JAKMIP2: variants seen among roughly 807,000 people sequenced by gnomAD.
JAKMIP2 encodes janus kinase and microtubule-interacting protein 2.
Under a neutral mutation model 115.0 loss-of-function variants are expected in JAKMIP2, and 25 were observed. The observed-to-expected ratio is 0.22, with a 90% CI of 0.16 to 0.30. The LOEUF (loss-of-function observed/expected upper bound fraction) is 0.30. Ranked by LOEUF, JAKMIP2 falls within the 10% of genes least tolerant of loss-of-function variation. The pLI is 1.00. For missense variants in JAKMIP2, 642 were observed against 957.6 expected, an observed-to-expected ratio of 0.67 and a Z score of 4.35; for synonymous variants, 334 against 343.6, an observed-to-expected ratio of 0.97 and a Z score of 0.31.
intron 2 of JAKMIP2, among the ~76,000 whole-genome samples, chr5:147,664,845 A>C (rs2126790603): frequency 6.6e-6 from 1 of 151,946 alleles, no homozygotes; most frequent in Middle Eastern, 3.4e-3. Context: ...TGTAGAACTA[A>C]GGATGTATGC....
At chr5:147,595,495 C>A (rs1429914909) in intron 21 of JAKMIP2, 1 of 455,860 alleles carries the variant, frequency 2.2e-6, no homozygotes, top group Non-Finnish European at 4.4e-6. Flanking sequence ...TCACCAGACA[C>A]CAAACCTGCT....
chr5:147,616,112 G>A (rs1338753943), intron 19 of JAKMIP2, among the ~76,000 whole-genome samples: 3 of 152,076 alleles, frequency 2.0e-5, no homozygotes, highest in Non-Finnish European at 4.4e-5. Flanking sequence ...GAGAAGAGAA[G>A]TAAGGATAAG....
intron 1 of JAKMIP2, among the ~76,000 whole-genome samples, chr5:147,730,210 A>G (rs562929982): frequency 6.6e-6 from 1 of 152,296 alleles, no homozygotes; most frequent in South Asian, 2.1e-4. Context: ...TAGAAGGTTG[A>G]TAAAGAATGT....
At chr5:147,608,754 G>T (rs962448408) in intron 20 of JAKMIP2, among the ~76,000 whole-genome samples, 1 of 152,120 alleles carries the variant, frequency 6.6e-6, no homozygotes, top group Admixed American at 6.5e-5. Flanking sequence ...TTGTTGATTA[G>T]TCTAATATTG....
intron 1 of JAKMIP2, among the ~76,000 whole-genome samples, chr5:147,751,361 G>A (rs993991790): frequency 6.6e-6 from 1 of 150,526 alleles, no homozygotes; most frequent in Non-Finnish European, 1.5e-5. Flanking sequence ...GCCTCCCAAC[G>A]TGCTGGGATT....
chr5:147,611,235 AT>A (rs1756300607), intron 20 of JAKMIP2, among the ~76,000 whole-genome samples: 1 of 152,182 alleles, frequency 6.6e-6, no homozygotes, highest in Non-Finnish European at 1.5e-5. Flanking sequence ...GGGGTATGAA[AT>A]AAAAACTCAT....
chr5:147,645,721 T>A (rs1045163218), intron 5 of JAKMIP2, among the ~76,000 whole-genome samples: 4 of 152,182 alleles, frequency 2.6e-5, no homozygotes, highest in African/African-American at 9.7e-5. Context: ...GGATGTTTTT[T>A]TGATGTAAGG....
chr5:147,659,863 AT>A (rs1758871935), intron 3 of JAKMIP2, among the ~76,000 whole-genome samples: 1 of 152,238 alleles, frequency 6.6e-6, no homozygotes, highest in Admixed American at 6.5e-5. Flanking sequence ...CTATTGCAGT[AT>A]AAAGAAAAAT....
chr5:147,729,057 G>A (rs569464410), intron 1 of JAKMIP2, among the ~76,000 whole-genome samples: 1 of 152,274 alleles, frequency 6.6e-6, no homozygotes, highest in South Asian at 2.1e-4. Context: ...GACTACTGAA[G>A]AAACAGTTTT....
intron 2 of JAKMIP2, among the ~76,000 whole-genome samples, chr5:147,666,315 A>T (rs1464264330): frequency 6.6e-6 from 1 of 152,208 alleles, no homozygotes; most frequent in East Asian, 1.9e-4. Flanking sequence ...AAATGAATAT[A>T]CAAAATTATA....
At chr5:147,675,700 G>C (rs1201281059) in intron 1 of JAKMIP2, among the ~76,000 whole-genome samples, 1 of 151,020 alleles carries the variant, frequency 6.6e-6, no homozygotes, top group Non-Finnish European at 1.5e-5. Context: ...CAACCACTAA[G>C]TCTATTTAGT....
At chr5:147,605,252 C>A (rs1755944644) in intron 20 of JAKMIP2, among the ~76,000 whole-genome samples, 1 of 138,168 alleles carries the variant, frequency 7.2e-6, no homozygotes, top group Non-Finnish European at 1.5e-5. Flanking sequence ...CTCTGTCGCC[C>A]AGGCTGGAGT....
chr5:147,715,271 A>C (rs1294137174), intron 1 of JAKMIP2, among the ~76,000 whole-genome samples: 2 of 152,018 alleles, frequency 1.3e-5, no homozygotes, highest in East Asian at 1.9e-4. Flanking sequence ...GGCAGACAAA[A>C]AACATAATGA....
chr5:147,774,247 T>C (rs1755471275), intron 1 of JAKMIP2, among the ~76,000 whole-genome samples: 1 of 152,148 alleles, frequency 6.6e-6, no homozygotes, highest in Non-Finnish European at 1.5e-5. Flanking sequence ...GAGAAGATGA[T>C]GGAGAAACCC....
At chr5:147,690,484 A>G (rs1015492203) in intron 1 of JAKMIP2, among the ~76,000 whole-genome samples, 1 of 148,938 alleles carries the variant, frequency 6.7e-6, no homozygotes, top group East Asian at 2.0e-4. Flanking sequence ...TTTAAAGAGC[A>G]AGATGACGAA....
chr5:147,680,246 T>C (rs1760187018), intron 1 of JAKMIP2, among the ~76,000 whole-genome samples: 1 of 152,222 alleles, frequency 6.6e-6, no homozygotes, highest in South Asian at 2.1e-4. Context: ...AACTGATTTA[T>C]CACCTATTTG....
chr5:147,625,337 A>G (rs1757048248), intron 16 of JAKMIP2, among the ~76,000 whole-genome samples: 1 of 152,122 alleles, frequency 6.6e-6, no homozygotes, highest in Admixed American at 6.5e-5. Flanking sequence ...CGAGACTTTT[A>G]TACACAACAG....
intron 1 of JAKMIP2, among the ~76,000 whole-genome samples, chr5:147,697,613 C>T (rs6859405): frequency 0.12 from 17,720 of 152,172 alleles, 1,448 homozygotes; most frequent in African/African-American, 0.22. Context: ...ACTTGGAGCC[C>T]TGCATCCAAG....
Position 147,747,436 on chromosome 5 carries a change from G to A in JAKMIP2, c.-149+35020C>T, listed in dbSNP as rs879040056. Among the ~76,000 whole-genome samples the A allele has an allele frequency of 2.0e-5, 3 of 152,054 alleles. No homozygotes were observed. The South Asian group carries it at 6.2e-4, about 32-fold the overall frequency. Reference sequence around the variant, plus strand: ...GCACAGCTGGGCCTGAAAACATGAGGATTCAAGCAATAACAATTGGTAACT... The same window carrying A: ...GCACAGCTGGGCCTGAAAACATGAGAATTCAAGCAATAACAATTGGTAACT... On this transcript the variant is annotated intron_variant, in intron 1 of 21. Transcript: ENST00000616793.
Sources: allele counts gnomAD v4.1 joint callset (sites outside exome capture counted in the v4.1 genomes callset), GRCh38; gene constraint gnomAD v4.1.1; transcripts MANE v1.5; gene names NCBI Gene and HGNC (gene_info 2026-07-23, HGNC 2026-07-21).